The following CYFIP1 variants were observed in gnomAD, a reference collection of about 807,000 sequenced individuals.
The protein encoded by CYFIP1 is cytoplasmic FMR1 interacting protein 1, also known as cytoplasmic FMR1-interacting protein 1.
CYFIP1 carries 58 observed loss-of-function variants against 163.5 expected under a neutral mutation model. That is an observed-to-expected ratio of 0.35 (90% CI 0.29 to 0.44). The LOEUF is 0.44. Among genes scored for constraint, CYFIP1 ranks in the 20% least tolerant of loss-of-function variants. CYFIP1 has a pLI of 1.00. For synonymous variants in CYFIP1, 663 were observed against 660.7 expected (o/e 1.00, Z -0.05); for missense variants, 1,338 against 1,653.8 (o/e 0.81, Z 3.31).
At chr15:22,881,077 C>T (rs1447318936) in intron 25 of CYFIP1, among the ~76,000 whole-genome samples, 1 of 152,142 alleles carries the variant, frequency 6.6e-6, no homozygotes, top group Non-Finnish European at 1.5e-5. Context: ...CTGAGGGGGA[C>T]ACCTTATCGT....
At position 22,937,035 on chromosome 15, in the gene CYFIP1, G is replaced by A. The variant is rs530820983; in HGVS notation, c.900+69C>T. 3.6e-5 allele frequency: 38 copies of A among 1,042,716 alleles called. No individual in the cohort carries two copies. In the African/African-American group the frequency reaches 5.5e-4, roughly 15 times the overall value. 64.6% of individuals were successfully genotyped at this position (1,042,716 alleles called of 1,614,324 possible). On this transcript the variant is annotated intron_variant, in intron 9 of 30. Coordinates refer to ENST00000617928, the MANE Select transcript of CYFIP1 (RefSeq NM_014608.6). Reference sequence around the variant, plus strand: ...TGATATAGATCACAGTCACACAGGGGCTCACTTCCCCAAAATTCAAAGTGC... The same window carrying A: ...TGATATAGATCACAGTCACACAGGGACTCACTTCCCCAAAATTCAAAGTGC...
chr15:22,878,753 T>C (rs974811077), intron 26 of CYFIP1, among the ~76,000 whole-genome samples: 2 of 142,858 alleles, frequency 1.4e-5, no homozygotes, highest in African/African-American at 2.6e-5. Context: ...AAATCACCAC[T>C]ATCAGAGTGA....
intron 21 of CYFIP1, 75 bp from the exon 22 acceptor site, chr15:22,903,980 C>A: frequency 7.2e-7 from 1 of 1,385,126 alleles, no homozygotes. Context: ...CCTCTGATCC[C>A]ACCCAGGCCT....
intron 17 of CYFIP1, among the ~76,000 whole-genome samples, chr15:22,912,579 G>C (rs2060824346): frequency 6.6e-6 from 1 of 152,172 alleles, no homozygotes; most frequent in African/African-American, 2.4e-5. Context: ...TTCACTACAA[G>C]TACATAGGAT....
Position 22,928,048 on chromosome 15 carries a change from C to T in CYFIP1, c.1111-20G>A, listed in dbSNP as rs565790699. 8.7e-6 allele frequency: 13 copies of T among 1,494,364 alleles called. No individual in the cohort carries two copies. In the East Asian group the frequency reaches 1.0e-4, roughly 12 times the overall value. 92.6% of individuals were successfully genotyped at this position (1,494,364 alleles called of 1,614,324 possible). Reference sequence around the variant, plus strand: ...GACCACCTGCACAAGGCGGGCACGGCCCCGTGAGAAACCAGCGCCCCCACC... The same window carrying T: ...GACCACCTGCACAAGGCGGGCACGGTCCCGTGAGAAACCAGCGCCCCCACC... On this transcript the variant is annotated intron_variant, in intron 11 of 30. Transcript: ENST00000617928.
At chr15:22,964,239 C>G (rs993609395) in intron 1 of CYFIP1, among the ~76,000 whole-genome samples, 7 of 149,344 alleles carry the variant, frequency 4.7e-5, no homozygotes, top group Non-Finnish European at 1.0e-4. Context: ...TGAACCCTAC[C>G]CCACCCCCAT....
intron 26 of CYFIP1, among the ~76,000 whole-genome samples, chr15:22,877,632 T>A (rs1291423286): frequency 6.6e-6 from 1 of 152,204 alleles, no homozygotes; most frequent in East Asian, 1.9e-4. Context: ...GGACACTGGC[T>A]TCTTGCTGGT....
At chr15:22,946,148 CA>C (rs1282289317) in intron 3 of CYFIP1, among the ~76,000 whole-genome samples, 2 of 151,536 alleles carry the variant, frequency 1.3e-5, no homozygotes, top group Admixed American at 1.3e-4. Context: ...ACAAAAAACA[CA>C]AAAAAGTAGA....
intron 3 of CYFIP1, among the ~76,000 whole-genome samples, chr15:22,946,343 A>G (rs2062059144): frequency 1.3e-5 from 2 of 151,934 alleles, no homozygotes; most frequent in Admixed American, 1.3e-4. Flanking sequence ...TGATGAGACC[A>G]TTAAAATGCA....
At chr15:22,937,963 C>T (rs1405982224) in intron 8 of CYFIP1, among the ~76,000 whole-genome samples, 2 of 152,150 alleles carry the variant, frequency 1.3e-5, no homozygotes, top group African/African-American at 4.8e-5. Context: ...TCCGCAGGGG[C>T]TCATGGCCAG....
chr15:22,946,841 C>G (rs756093584), intron 3 of CYFIP1, 162 bp downstream of exon 3: 2 of 742,930 alleles, frequency 2.7e-6, no homozygotes, highest in South Asian at 3.0e-5. Flanking sequence ...TGTTTTTACA[C>G]TAAGAAAAGC....
At chr15:22,944,238 CA>C (rs34662161) in intron 5 of CYFIP1, among the ~76,000 whole-genome samples, 280 of 94,956 alleles carry the variant, frequency 2.9e-3, no homozygotes, top group Admixed American at 3.9e-3. Context: ...GACTCTGTCT[CA>C]AAAAAAAAAA....
At chr15:22,967,828 G>A (rs985653129) in intron 1 of CYFIP1, among the ~76,000 whole-genome samples, 1 of 152,062 alleles carries the variant, frequency 6.6e-6, no homozygotes, top group African/African-American at 2.4e-5. Context: ...TTGAGCCCAG[G>A]AGTTCATGAC....
intron 6 of CYFIP1, 21 bp from the exon 7 acceptor site, chr15:22,939,528 C>T: frequency 1.0e-6 from 1 of 977,578 alleles, no homozygotes. Context: ...AAAAAGAATT[C>T]ATCCCAAAAT....
rs759770582 is a variant in CYFIP1, at chr15:22,928,042, G to C, written c.1111-14C>G. On this transcript the variant is annotated splice_polypyrimidine_tract_variant and intron_variant, in intron 11 of 30. Transcript: ENST00000617928. ...GCCCGTGACCACCTGCACAAGGCGGGCACGGCCCCGTGAGAAACCAGCGCC... is the reference window on the plus strand; with the variant it reads ...GCCCGTGACCACCTGCACAAGGCGGCCACGGCCCCGTGAGAAACCAGCGCC... 2 of 1,504,528 alleles carry C rather than the reference G, an allele frequency of 1.3e-6. No homozygotes were observed. The highest frequency in any genetic ancestry group is 2.6e-5 in the Admixed American group (1 of 38,516). The allele number at this position is 1,504,528 out of a possible 1,614,324, so 93.2% of individuals were successfully genotyped here.
At chr15:22,912,454 G>A (rs1313891401) in intron 17 of CYFIP1, 179 bp from the exon 18 acceptor site, 4 of 515,016 alleles carry the variant, frequency 7.8e-6, no homozygotes, top group Non-Finnish European at 1.4e-5. Context: ...TGAGGCGGCC[G>A]CCACACCCAC....
intron 14 of CYFIP1, among the ~76,000 whole-genome samples, 165 bp from the exon 15 acceptor site, chr15:22,918,100 G>T (rs537936662): frequency 5.9e-5 from 9 of 152,182 alleles, no homozygotes; most frequent in Admixed American, 5.2e-4. Flanking sequence ...AGCTCAACAG[G>T]AAAGTTAAAA....
intron 24 of CYFIP1, among the ~76,000 whole-genome samples, chr15:22,882,177 C>T (rs1021235241): frequency 2.6e-5 from 4 of 152,190 alleles, no homozygotes; most frequent in East Asian, 1.9e-4. Context: ...AAAGTGGTCC[C>T]GGGGTGCCAC....
chr15:22,931,689 A>AAAAAAAAAAAT (rs2061541801), intron 11 of CYFIP1, among the ~76,000 whole-genome samples: 1 of 140,434 alleles, frequency 7.1e-6, no homozygotes, highest in Non-Finnish European at 1.5e-5. Flanking sequence ...TTTTTCTGAA[A>AAAAAAAAAAAT]AAAAAAAAAA....
Sources: allele counts gnomAD v4.1 joint callset (sites outside exome capture counted in the v4.1 genomes callset), GRCh38; gene constraint gnomAD v4.1.1; transcripts MANE v1.5; gene names NCBI Gene and HGNC (gene_info 2026-07-23, HGNC 2026-07-21).